PSG1: variants seen among roughly 807,000 people sequenced by gnomAD.
PSG1 encodes the protein pregnancy-specific beta-1-glycoprotein 1.
PSG1 carries 60 observed loss-of-function variants against 41.4 expected under a neutral mutation model. That is an observed-to-expected ratio of 1.45 (90% confidence interval 1.18 to 1.80). PSG1 has a LOEUF of 1.80. PSG1 is among the 40% of genes most tolerant of loss of function. PSG1 has a pLI of 0.00. For missense variants in PSG1, 806 were observed against 516.9 expected, an observed-to-expected ratio of 1.56 and a Z score of -5.42; for synonymous variants, 256 against 192.9, an observed-to-expected ratio of 1.33 and a Z score of -2.71.
chr19:42,879,518 C>G lies in PSG1; in HGVS notation c.64G>C (p.Ala22Pro). The change falls in exon 1 of 6, where the codon GCA (alanine) becomes CCA (proline). Residue 22 changes from alanine (A) to proline (P), a missense_variant and splice_region_variant. By Grantham distance (27) the Ala-to-Pro change is conservative. Transcript: ENST00000436291. Reference protein sequence around the residue: ...RIKWKGLLLTASLLNFWNLPT... With the variant: ...RIKWKGLLLTPSLLNFWNLPT... Reference sequence around the variant, plus strand: ...CTCTCCCAGGAAGTTCTCTCCTCACCTGTGAGCAGGAGCCCCTTCCATTTG... The same window carrying G: ...CTCTCCCAGGAAGTTCTCTCCTCACGTGTGAGCAGGAGCCCCTTCCATTTG... 1.2e-6 allele frequency: 2 copies of G among 1,610,012 alleles called. No homozygotes were observed. The highest frequency in any genetic ancestry group is 1.7e-6 in the Non-Finnish European group (2 of 1,177,708).
intron 1 of PSG1, chr19:42,878,490 A>T (rs1468173127): frequency 4.3e-5 from 37 of 855,550 alleles, no homozygotes; most frequent in Non-Finnish European, 1.7e-6. Context: ...TACTAGGTCA[A>T]GGTCAGCAGC....
chr19:42,875,289 G>A (rs1288132996), intron 2 of PSG1, among the ~76,000 whole-genome samples: 3 of 151,660 alleles, frequency 2.0e-5, no homozygotes, highest in Non-Finnish European at 4.4e-5. Context: ...CTTTGTCCAG[G>A]GACTGCCTTT....
rs370007049 is a variant in PSG1 at position 42,871,737 on chromosome 19, C to G, written c.709+30G>C. 209 of 1,612,646 alleles carry G rather than the reference C, an allele frequency of 1.3e-4. 3 individuals carry two copies. In the African/African-American group the frequency reaches 2.5e-3, roughly 19 times the overall value. On this transcript the variant is annotated intron_variant, in intron 3 of 5. Coordinates refer to ENST00000436291, the MANE Select transcript of PSG1 (RefSeq NM_001184825.2). ...GGCCACGTGTATTTGGGATGGCAGC[C>G]TGGCTCACAGAGGAACAGAAGATAC...
In PSG1 at chr19:42,879,674, T is replaced by C. The variant is rs113205932; in HGVS notation, c.-93A>G. 18,836 of 1,546,886 alleles carry C rather than the reference T, an allele frequency of 0.012. 507 individuals are homozygous for C. Among genetic ancestry groups the C allele is most frequent in the Non-Finnish European group, 0.013 (15,216 of 1,134,470 alleles). On this transcript the variant is annotated 5_prime_UTR_variant, in exon 1 of 6. Coordinates refer to ENST00000436291, the MANE Select transcript of PSG1 (RefSeq NM_001184825.2). ...GCTGTCAGCTGTGCTGTCCTTCCTC[T>C]TTCTGTGCTGAGCCTCTTCCCAGGG...
rs1600504269 is a variant in PSG1, at chr19:42,873,662, G to A, written c.431-1617C>T. ...GTTATGCTCAAAGAAAGATGCCAAAGGTGATTTGAAATTAGCAGCTCCTTA... is the reference window on the plus strand; with the variant it reads ...GTTATGCTCAAAGAAAGATGCCAAAAGTGATTTGAAATTAGCAGCTCCTTA... On this transcript the variant is annotated intron_variant, in intron 2 of 5. Transcript: ENST00000436291. 1.3e-5 allele frequency among the ~76,000 whole-genome samples: 2 copies of A among 151,660 alleles called. 1 individual carries two copies. The highest frequency in any genetic ancestry group is 1.3e-4 in the Admixed American group (2 of 15,162).
At chr19:42,871,389 C>T (rs1482347279) in intron 3 of PSG1, among the ~76,000 whole-genome samples, 4 of 151,454 alleles carry the variant, frequency 2.6e-5, no homozygotes, top group East Asian at 1.9e-4. Flanking sequence ...ATGTCACAGG[C>T]ACTATTGTCA....
chr19:42,879,441 C>G (rs1971771546), intron 1 of PSG1, 77 bp downstream of exon 1: 1 of 1,577,250 alleles, frequency 6.3e-7, no homozygotes, highest in Non-Finnish European at 8.7e-7. Flanking sequence ...TTTTTTAGAA[C>G]CCCATCCTCT....
At chr19:42,875,627 C>A (rs1346231390) in intron 2 of PSG1, among the ~76,000 whole-genome samples, 1 of 151,354 alleles carries the variant, frequency 6.6e-6, no homozygotes, top group African/African-American at 2.4e-5. Context: ...GATTCCATCA[C>A]CAAACAATCA....
chr19:42,874,890 T>C (rs1349788874), intron 2 of PSG1, among the ~76,000 whole-genome samples: 1 of 151,502 alleles, frequency 6.6e-6, no homozygotes, highest in African/African-American at 2.4e-5. Context: ...GTTGTTGACT[T>C]TTGAGTTTGT....
At chr19:42,868,008 G>C in intron 5 of PSG1, 93 bp downstream of exon 5, 1 of 1,609,438 alleles carries the variant, frequency 6.2e-7, no homozygotes. Context: ...ATGGGACACA[G>C]GCTGGGAATA....
chr19:42,879,573 G>A lies in PSG1; in HGVS notation c.9C>T (p.Thr3=), dbSNP rs1971780203. Residue 3 remains threonine (T), a synonymous_variant, in exon 1 of 6, where the codon ACC becomes ACT. Transcript: ENST00000436291. The part of the protein sequence containing the change: MG[T]LSAPPCTQRI... Reference sequence around the variant, plus strand: ...GCTGTGTGCAGGGAGGGGCTGAGAGGGTTCCCATGGTCTCTGCTGCTTGTG... The same window carrying A: ...GCTGTGTGCAGGGAGGGGCTGAGAGAGTTCCCATGGTCTCTGCTGCTTGTG... 1.2e-5 allele frequency: 19 copies of A among 1,610,428 alleles called. 1 individual carries two copies. The South Asian group carries it at 1.4e-4, about 12-fold the overall frequency.
rs772156251 is a variant in PSG1, at chr19:42,868,949, C to G, written c.795G>C (p.Lys265Asn). Reference sequence around the variant, plus strand: ...ACCAAATGTAGGTGTAGTTCTCACTCTTAGGTTCACAGGTGAAGTTTAAGA... The same window carrying G: ...ACCAAATGTAGGTGTAGTTCTCACTGTTAGGTTCACAGGTGAAGTTTAAGA... ...KDVLNFTCEP[K>N]SENYTYIWWL... is the part of the protein sequence containing the mutation. The change falls in exon 4 of 6, where the codon AAG becomes AAC. Residue 265 changes from lysine (K) to asparagine (N), a missense_variant. Lys to Asn is a moderately conservative substitution (Grantham distance 94, BLOSUM62 0). Coordinates refer to ENST00000436291, the MANE Select transcript of PSG1 (RefSeq NM_001184825.2). 3.1e-6 allele frequency: 5 copies of G among 1,609,828 alleles called. No individual in the cohort carries two copies. The highest frequency in any genetic ancestry group is 4.2e-6 in the Non-Finnish European group (5 of 1,178,772).
At chr19:42,879,459 A>G in intron 1 of PSG1, 59 bp downstream of exon 1, 1 of 1,593,712 alleles carries the variant, frequency 6.3e-7, no homozygotes, top group Non-Finnish European at 8.6e-7. Flanking sequence ...TCTCCAGGAG[A>G]CCCCATCCAG....
chr19:42,879,146 T>C (rs1028361739), intron 1 of PSG1, among the ~76,000 whole-genome samples: 3 of 125,470 alleles, frequency 2.4e-5, no homozygotes, highest in Admixed American at 7.9e-5. Flanking sequence ...TCTTTCCTTT[T>C]TTTCTTTTTT....
At chr19:42,876,515 TTTC>T (rs1971614236) in intron 2 of PSG1, among the ~76,000 whole-genome samples, 1 of 151,406 alleles carries the variant, frequency 6.6e-6, no homozygotes, top group African/African-American at 2.4e-5. Flanking sequence ...GGATCATTCA[TTTC>T]TTCATTCCAT....
At position 42,872,058 on chromosome 19, in the gene PSG1, C is replaced by G. The variant is rs1279042527; in HGVS notation, c.431-13G>C. The stretch of plus-strand genomic sequence containing the variant: ...TTAGGAGTCTCCACTGTGCAGAAAA[C>G]AGGGTGAAGATTGCCGTGTGTGGCG... On this transcript the variant is annotated splice_polypyrimidine_tract_variant and intron_variant, in intron 2 of 5. Coordinates refer to ENST00000436291, the MANE Select transcript of PSG1 (RefSeq NM_001184825.2). The G allele has an allele frequency of 6.2e-7, 1 of 1,605,448 alleles. No homozygotes were observed.
rs752226801 is a variant in PSG1, at chr19:42,874,395, G to C, written c.431-2350C>G. Among the ~76,000 whole-genome samples, 16 of 151,380 alleles carry C rather than the reference G, an allele frequency of 1.1e-4. 1 individual carries two copies. Among genetic ancestry groups the C allele is most frequent in the Non-Finnish European group, 2.1e-4 (14 of 67,828 alleles). On this transcript the variant is annotated intron_variant, in intron 2 of 5. Coordinates refer to ENST00000436291, the MANE Select transcript of PSG1 (RefSeq NM_001184825.2). ...AGAGTCTCGCTCTGTCACCCCGGCT[G>C]CAGTGCAGTGGCATGATCTCAGCTC...
intron 3 of PSG1, among the ~76,000 whole-genome samples, chr19:42,871,418 G>T (rs938327634): frequency 9.2e-5 from 14 of 151,546 alleles, no homozygotes; most frequent in African/African-American, 3.4e-4. Context: ...GGAAAATCCT[G>T]GTCTGTGGAA....
At chr19:42,867,559 C>A in intron 5 of PSG1, 1 of 635,382 alleles carries the variant, frequency 1.6e-6, no homozygotes, top group Non-Finnish European at 2.8e-6. Context: ...GTAATATAAC[C>A]AATGATTTCA....
Sources: gnomAD v4.1 joint callset for allele counts (sites outside exome capture counted in the v4.1 genomes callset) on GRCh38, gnomAD v4.1.1 for gene constraint, MANE v1.5 for transcripts, NCBI Gene and HGNC (gene_info 2026-07-23, HGNC 2026-07-21) for gene names.